GLRA3: variants seen among roughly 807,000 people sequenced by gnomAD.
GLRA3 encodes glycine receptor subunit alpha-3.
A neutral mutation model predicts 60.4 loss-of-function variants in GLRA3; 44 were observed. That is an observed-to-expected ratio of 0.73 (90% CI 0.57 to 0.94). The LOEUF is 0.94. Ranked by LOEUF, GLRA3 falls within the 40% of genes least tolerant of loss-of-function variation. GLRA3 has a pLI of 0.00. For synonymous variants in GLRA3, 223 were observed against 192.9 expected, an observed-to-expected ratio of 1.16 and a Z score of -1.29; for missense variants, 508 against 564.6, an observed-to-expected ratio of 0.90 and a Z score of 1.02.
At chr4:174,812,847 C>T (rs1028272700) in intron 1 of GLRA3, among the ~76,000 whole-genome samples, 3 of 151,970 alleles carry the variant, frequency 2.0e-5, no homozygotes, top group Non-Finnish European at 2.9e-5. Context: ...GTCTTTTTTT[C>T]CTACCTTTCT....
chr4:174,673,760 T>C (rs1733997847), intron 7 of GLRA3, among the ~76,000 whole-genome samples: 1 of 152,162 alleles, frequency 6.6e-6, no homozygotes, highest in Admixed American at 6.6e-5. Context: ...TGGAAGTTCT[T>C]AGTTTTTGAC....
chr4:174,663,226 T>C (rs1733522448), intron 7 of GLRA3, among the ~76,000 whole-genome samples: 1 of 152,164 alleles, frequency 6.6e-6, no homozygotes, highest in Non-Finnish European at 1.5e-5. Context: ...GCAGTGCATC[T>C]CACTTTATTC....
At chr4:174,804,138 TA>T (rs1409759572) in intron 1 of GLRA3, among the ~76,000 whole-genome samples, 1 of 152,166 alleles carries the variant, frequency 6.6e-6, no homozygotes, top group Non-Finnish European at 1.5e-5. Context: ...TCAGTTTATA[TA>T]AAACTCAGTG....
intron 2 of GLRA3, among the ~76,000 whole-genome samples, chr4:174,788,311 C>T (rs1186835208): frequency 6.6e-6 from 1 of 151,890 alleles, no homozygotes; most frequent in African/African-American, 2.4e-5. Flanking sequence ...TTGGGTAAAA[C>T]ATTTGGTAGG....
chr4:174,701,757 G>A (rs951623777), intron 5 of GLRA3, among the ~76,000 whole-genome samples: 1 of 152,152 alleles, frequency 6.6e-6, no homozygotes, highest in African/African-American at 2.4e-5. Flanking sequence ...GACTCTGAGG[G>A]GTTTAAGACT....
At chr4:174,777,312 G>A (rs572438519) in intron 2 of GLRA3, among the ~76,000 whole-genome samples, 2 of 152,274 alleles carry the variant, frequency 1.3e-5, no homozygotes, top group South Asian at 2.1e-4. Flanking sequence ...TTTCTTTAAT[G>A]TCAAATGCAT....
chr4:174,776,080 TG>T (rs2111261126), intron 2 of GLRA3, among the ~76,000 whole-genome samples: 1 of 152,278 alleles, frequency 6.6e-6, no homozygotes, highest in South Asian at 2.1e-4. Context: ...GCTTCCCCTC[TG>T]TATTTCTGTT....
chr4:174,771,760 T>C (rs991456995), intron 2 of GLRA3, among the ~76,000 whole-genome samples: 3 of 152,194 alleles, frequency 2.0e-5, no homozygotes, highest in Non-Finnish European at 2.9e-5. Flanking sequence ...AAGGGGTCTT[T>C]ATTTCTTGGA....
At chr4:174,708,347 T>C (rs989109852) in intron 5 of GLRA3, among the ~76,000 whole-genome samples, 4 of 152,020 alleles carry the variant, frequency 2.6e-5, no homozygotes, top group African/African-American at 9.7e-5. Context: ...AATCCTCTCA[T>C]CTCTCTTTAG....
At chr4:174,769,642 G>A (rs1276207629) in intron 2 of GLRA3, among the ~76,000 whole-genome samples, 1 of 151,950 alleles carries the variant, frequency 6.6e-6, no homozygotes, top group African/African-American at 2.4e-5. Flanking sequence ...TCCCAATCAT[G>A]CTAGGAATTA....
At chr4:174,684,242 T>C (rs1225919966) in intron 5 of GLRA3, among the ~76,000 whole-genome samples, 1 of 151,698 alleles carries the variant, frequency 6.6e-6, no homozygotes, top group Admixed American at 6.6e-5. Context: ...ATTCTCTTTT[T>C]CCCCCTCATG....
chr4:174,643,044 A>G lies in GLRA3; in HGVS notation c.*742T>C. 1 of 955,776 alleles carries G rather than the reference A, an allele frequency of 1.0e-6. No homozygotes were observed. Among genetic ancestry groups the G allele is most frequent in the Non-Finnish European group, 1.2e-6 (1 of 803,532 alleles). 59.2% of individuals were successfully genotyped at this position (955,776 alleles called of 1,614,324 possible). On this transcript the variant is annotated 3_prime_UTR_variant, in exon 10 of 10. Coordinates refer to ENST00000274093, the MANE Select transcript of GLRA3 (RefSeq NM_006529.4). ...TGTTTGGCAATAACTAAAAATACAT[A>G]GCTATAATACTTATTTAAAAACAAA...
chr4:174,820,018 G>A (rs1465849998), intron 1 of GLRA3, among the ~76,000 whole-genome samples: 1 of 152,138 alleles, frequency 6.6e-6, no homozygotes, highest in African/African-American at 2.4e-5. Flanking sequence ...ATGGTATGAA[G>A]CGTTATTTTA....
intron 9 of GLRA3, among the ~76,000 whole-genome samples, chr4:174,646,330 T>G (rs188195361): frequency 5.5e-4 from 84 of 152,318 alleles, no homozygotes; most frequent in African/African-American, 1.9e-3. Context: ...GCAACCGAAT[T>G]TTTCTCAATT....
At chr4:174,696,194 AATG>A (rs1735046531) in intron 5 of GLRA3, among the ~76,000 whole-genome samples, 2 of 151,922 alleles carry the variant, frequency 1.3e-5, no homozygotes, top group African/African-American at 4.8e-5. Flanking sequence ...AATTTTAATA[AATG>A]ATGATGAGAA....
At position 174,799,164 on chromosome 4, in the gene GLRA3, C is replaced by A. The variant is rs919440308; in HGVS notation, c.72-10221G>T. ...TTAGGCACAGGATTAATATACATAT[C>A]ATTTAATTACCATAATAATGTTATT... On this transcript the variant is annotated intron_variant, in intron 1 of 9. Coordinates refer to ENST00000274093, the MANE Select transcript of GLRA3 (RefSeq NM_006529.4). Among the ~76,000 whole-genome samples, 6 of 152,212 alleles carry A rather than the reference C, an allele frequency of 3.9e-5. No individual in the cohort carries two copies. The South Asian group carries it at 1.2e-3, about 32-fold the overall frequency.
intron 4 of GLRA3, among the ~76,000 whole-genome samples, chr4:174,717,018 TA>T (rs1354540800): frequency 6.6e-6 from 1 of 151,202 alleles, no homozygotes; most frequent in African/African-American, 2.4e-5. Flanking sequence ...CTGGGCAACA[TA>T]AAAATACTCT....
chr4:174,714,370 T>C (rs113193993), intron 5 of GLRA3, among the ~76,000 whole-genome samples: 74 of 151,958 alleles, frequency 4.9e-4, no homozygotes, highest in Non-Finnish European at 6.8e-4. Context: ...TGTAGATTGA[T>C]TGCTAAGTAG....
chr4:174,684,201 A>T (rs571162870), intron 5 of GLRA3, among the ~76,000 whole-genome samples: 45 of 151,946 alleles, frequency 3.0e-4, no homozygotes, highest in East Asian at 1.4e-3. Context: ...ATTGTATTTT[A>T]AAAAAAAGTA....
Sources: gnomAD v4.1 joint callset for allele counts (sites outside exome capture counted in the v4.1 genomes callset) on GRCh38, gnomAD v4.1.1 for gene constraint, MANE v1.5 for transcripts, NCBI Gene and HGNC (gene_info 2026-07-23, HGNC 2026-07-21) for gene names.